Variants in MICU1 observed in about 807,000 individuals in gnomAD.
MICU1 encodes mitochondrial calcium uptake 1.
Under a neutral mutation model 56.8 loss-of-function variants are expected in MICU1, and 45 were observed. That is an observed-to-expected ratio of 0.79 (90% confidence interval 0.62 to 1.02). MICU1 has a LOEUF of 1.02. MICU1 is among the 50% of genes least tolerant of loss of function. The probability of loss-of-function intolerance (pLI) is 0.00; values close to 1 mark genes in which losing one functional copy is unlikely to be tolerated. For synonymous variants in MICU1, 186 were observed against 195.1 expected (o/e 0.95, Z 0.39); for missense variants, 504 against 587.1 (o/e 0.86, Z 1.46).
chr10:72,581,858 T>C (rs2132508180), intron 1 of MICU1, among the ~76,000 whole-genome samples: 1 of 152,312 alleles, frequency 6.6e-6, no homozygotes, highest in Non-Finnish European at 1.5e-5. Context: ...TAAGAGTTCA[T>C]TTCAGAAAAA....
At chr10:72,470,880 AG>A (rs889408847) in intron 8 of MICU1, among the ~76,000 whole-genome samples, 3 of 152,214 alleles carry the variant, frequency 2.0e-5, no homozygotes, top group Non-Finnish European at 4.4e-5. Flanking sequence ...GACTGGCAAA[AG>A]GAACAGTCTT....
In MICU1 at chr10:72,509,310, G is replaced by A. The variant is rs886663672; in HGVS notation, c.538-1041C>T. The A allele has an allele frequency of 1.8e-5, 20 of 1,096,318 alleles. No individual in the cohort carries two copies. In the Admixed American group the frequency reaches 2.7e-4, roughly 15 times the overall value. 67.9% of individuals were successfully genotyped at this position (1,096,318 alleles called of 1,614,324 possible). ...GCATAAAGTAAGAGGCAGCATTGCA[G>A]GCATAACTTCAAGAGGAGTATGATG... On this transcript the variant is annotated intron_variant, in intron 5 of 11. Coordinates refer to ENST00000361114, the MANE Select transcript of MICU1 (RefSeq NM_001195518.2).
At chr10:72,430,787 T>C (rs1864500465) in intron 8 of MICU1, among the ~76,000 whole-genome samples, 1 of 152,132 alleles carries the variant, frequency 6.6e-6, no homozygotes, top group Non-Finnish European at 1.5e-5. Context: ...CATGAACTCC[T>C]GACCTCAGGT....
chr10:72,436,367 A>T (rs1370344924), intron 8 of MICU1, among the ~76,000 whole-genome samples: 1 of 152,238 alleles, frequency 6.6e-6, no homozygotes, highest in Non-Finnish European at 1.5e-5. Flanking sequence ...AATAGCATCA[A>T]CATCAACAAA....
intron 1 of MICU1, among the ~76,000 whole-genome samples, chr10:72,594,980 C>T (rs1193373357): frequency 3.8e-5 from 5 of 132,636 alleles, no homozygotes; most frequent in Admixed American, 7.2e-5. Flanking sequence ...AAAAGAAAAT[C>T]GAATACAAGA....
chr10:72,574,517 C>T (rs899645424), intron 1 of MICU1, among the ~76,000 whole-genome samples: 1 of 151,452 alleles, frequency 6.6e-6, no homozygotes, highest in African/African-American at 2.4e-5. Flanking sequence ...GAAACTCCAT[C>T]TCAAAAAAAT....
At chr10:72,399,885 G>A (rs1175064414) in intron 10 of MICU1, among the ~76,000 whole-genome samples, 1 of 152,152 alleles carries the variant, frequency 6.6e-6, no homozygotes, top group Non-Finnish European at 1.5e-5. Context: ...TTGAGCCCAG[G>A]AGGCTGAGGT....
intron 5 of MICU1, among the ~76,000 whole-genome samples, chr10:72,525,792 G>C (rs1201246431): frequency 2.6e-5 from 4 of 152,158 alleles, no homozygotes; most frequent in Non-Finnish European, 2.9e-5. Context: ...CAATTTTACT[G>C]AGAATGTAAC....
rs1172704084 is a variant in MICU1 at position 72,448,193 on chromosome 10, A to ATATAT, written c.934-24823_934-24822insATATA. Among the ~76,000 whole-genome samples, 89 of 36,842 alleles carry ATATAT rather than the reference A, an allele frequency of 2.4e-3. 1 individual carries two copies. Among genetic ancestry groups the ATATAT allele is most frequent in the Admixed American group, 4.9e-3 (9 of 1,854 alleles). 24.2% of individuals were successfully genotyped at this position (36,842 alleles called of 152,430 possible). On this transcript the variant is annotated intron_variant, in intron 8 of 11. Transcript: ENST00000361114. ...TGTGTGTATATATATATATATATAT[A>ATATAT]TTTTTTTTTTTTTTTTTTTTTTTTG...
chr10:72,501,689 AT>A (rs1405511899), intron 6 of MICU1: 1 of 152,180 alleles, frequency 6.6e-6, no homozygotes, highest in Admixed American at 6.5e-5. Flanking sequence ...TATGAGTGAA[AT>A]GGAATAAAAG....
intron 6 of MICU1, among the ~76,000 whole-genome samples, chr10:72,501,060 AAC>A (rs138245496): frequency 0.043 from 6,572 of 152,252 alleles, 388 homozygotes; most frequent in East Asian, 0.2. Context: ...AATAATTATT[AAC>A]AGTCTCTTCA....
intron 1 of MICU1, among the ~76,000 whole-genome samples, chr10:72,578,311 G>A (rs148290792): frequency 0.021 from 3,264 of 152,102 alleles, 120 homozygotes; most frequent in African/African-American, 0.075. Context: ...AAGTTGGAGT[G>A]CAGTGGCATG....
intron 10 of MICU1, among the ~76,000 whole-genome samples, chr10:72,392,435 G>T (rs1311505409): frequency 6.6e-6 from 1 of 152,138 alleles, no homozygotes; most frequent in Non-Finnish European, 1.5e-5. Context: ...GCCAGGTGTG[G>T]TGGCATGTGC....
intron 6 of MICU1, among the ~76,000 whole-genome samples, chr10:72,480,344 G>C (rs1377444536): frequency 6.6e-6 from 1 of 152,310 alleles, no homozygotes; most frequent in South Asian, 2.1e-4. Flanking sequence ...GATTTCAGAC[G>C]GGATCTGCTA....
At chr10:72,435,866 T>C (rs1333779495) in intron 8 of MICU1, among the ~76,000 whole-genome samples, 1 of 152,148 alleles carries the variant, frequency 6.6e-6, no homozygotes, top group Non-Finnish European at 1.5e-5. Flanking sequence ...CAGGCTTGAG[T>C]AGGTAAACAA....
intron 6 of MICU1, among the ~76,000 whole-genome samples, chr10:72,496,300 C>CTT (rs565571067): frequency 8.9e-5 from 12 of 134,286 alleles, no homozygotes; most frequent in Non-Finnish European, 9.7e-5. Flanking sequence ...TGGCTAATTC[C>CTT]TTTTTTTTTT....
At chr10:72,471,322 G>T (rs1156858533) in intron 8 of MICU1, among the ~76,000 whole-genome samples, 1 of 152,204 alleles carries the variant, frequency 6.6e-6, no homozygotes, top group Non-Finnish European at 1.5e-5. Flanking sequence ...CTGACTTCGT[G>T]ATCTGCCCGC....
At chr10:72,436,467 C>A (rs202087181) in intron 8 of MICU1, among the ~76,000 whole-genome samples, 1 of 152,140 alleles carries the variant, frequency 6.6e-6, no homozygotes, top group South Asian at 2.1e-4. Flanking sequence ...GAAACCAGAG[C>A]AGAAAAGCTA....
chr10:72,473,071 G>C (rs1384577393), intron 8 of MICU1: 2 of 152,160 alleles, frequency 1.3e-5, no homozygotes, highest in African/African-American at 4.8e-5. Flanking sequence ...CTGCACTCCA[G>C]CTCAGGAGAC....
Sources: allele counts gnomAD v4.1 joint callset (sites outside exome capture counted in the v4.1 genomes callset), GRCh38; gene constraint gnomAD v4.1.1; transcripts MANE v1.5; gene names NCBI Gene and HGNC (gene_info 2026-07-23, HGNC 2026-07-21).